The following ZNF814 variants were observed in gnomAD, a reference collection of about 807,000 sequenced individuals.
ZNF814 encodes zinc finger protein 814.
A neutral mutation model predicts 7.5 loss-of-function variants in ZNF814; 5 were observed. The ratio of observed to expected loss-of-function variants is 0.67; its 90% CI spans 0.35 to 1.40. The LOEUF is 1.40. ZNF814 is among the 40% of genes most tolerant of loss of function. The pLI is 0.04. For missense variants in ZNF814, 962 were observed against 1,018.0 expected (o/e 0.94, Z 0.75); for synonymous variants, 315 against 340.7 (o/e 0.92, Z 0.83).
chr19:57,874,078 A>T lies in ZNF814; in HGVS notation c.1312T>A (p.Cys438Ser), dbSNP rs2071582390. 3.7e-6 allele frequency: 6 copies of T among 1,606,454 alleles called. No individual in the cohort carries two copies. The highest frequency in any genetic ancestry group is 5.1e-6 in the Non-Finnish European group (6 of 1,176,370). The change falls in exon 3 of 3, where the codon TGT becomes AGT. Residue 438 changes from cysteine (C) to serine (S), a missense_variant. Cys to Ser is a moderately radical substitution (Grantham distance 112). This residue lies in a region of ZNF814 where 665 missense variants were observed against 551.4 expected (regional missense o/e 1.21). Coordinates refer to ENST00000435989, the MANE Select transcript of ZNF814 (RefSeq NM_001144989.2). ...CTAAAAGATTTCCCACATTCTTCAC[A>T]CCCATAAGGTTTTTCTCCAGTGTGA... The part of the protein sequence containing the change: ...RFHTGEKPYG[C>S]EECGKSFSSE...
intron 1 of ZNF814, among the ~76,000 whole-genome samples, chr19:57,883,083 G>GCAC (rs2071661045): frequency 6.6e-6 from 1 of 151,858 alleles, no homozygotes; most frequent in African/African-American, 2.4e-5. Flanking sequence ...AACTGGCCGG[G>GCAC]TGTGGTGGCT....
Position 57,888,996 on chromosome 19 carries a change from T to A in ZNF814, c.-194A>T. The A allele has an allele frequency of 1.7e-6, 1 of 593,520 alleles. No homozygotes were observed. Among genetic ancestry groups the A allele is most frequent in the Non-Finnish European group, 3.0e-6 (1 of 336,504 alleles). The allele number at this position is 593,520 out of a possible 1,614,324, so 36.8% of individuals were successfully genotyped here. The stretch of plus-strand genomic sequence containing the variant: ...AGTCACCACAGTGCGGACCTAGCGC[T>A]CAGGAGCCTCTCCTACAAATAAATC... On this transcript the variant is annotated 5_prime_UTR_variant, in exon 1 of 3. Transcript: ENST00000435989.
chr19:57,900,536 T>C, the ZNF814 span: 2 of 152,172 alleles, frequency 1.3e-5, no homozygotes, highest in Non-Finnish European at 2.9e-5. Context: ...TTAAGGAGAT[T>C]GTAAAACACT....
At chr19:57,888,398 G>A (rs2071710516) in intron 1 of ZNF814, among the ~76,000 whole-genome samples, 1 of 152,106 alleles carries the variant, frequency 6.6e-6, no homozygotes. Context: ...CCCTTACAAT[G>A]CTCATGACAT....
rs1219305562 is a variant in ZNF814, at chr19:57,870,304, T to A, written c.*2518A>T. The A allele has an allele frequency of 6.6e-6, 1 of 152,178 alleles. No individual in the cohort carries two copies. Among genetic ancestry groups the A allele is most frequent in the African/African-American group, 2.4e-5 (1 of 41,442 alleles). 9.4% of individuals were successfully genotyped at this position (152,178 alleles called of 1,614,324 possible). On this transcript the variant is annotated 3_prime_UTR_variant, in exon 3 of 3. Transcript: ENST00000435989. ...TCAAAAGAAAAATATAGATTTACCA[T>A]TATTTTTGGAAAACAGGTTTGGCAA...
chr19:57,878,459 AC>A (rs886903892), intron 1 of ZNF814, among the ~76,000 whole-genome samples: 1 of 144,080 alleles, frequency 6.9e-6, no homozygotes, highest in African/African-American at 2.6e-5. Context: ...AGGATACATT[AC>A]CTTTTTTTTT....
In ZNF814 at chr19:57,872,635, T is replaced by C; in HGVS notation, c.*187A>G. On this transcript the variant is annotated 3_prime_UTR_variant, in exon 3 of 3. Coordinates refer to ENST00000435989, the MANE Select transcript of ZNF814 (RefSeq NM_001144989.2). ...GAGACTGAAAGTTTCAGCAAAGGAT[T>C]TCCCACATTCACTGCACTCATAAGG... The C allele has an allele frequency of 6.9e-7, 1 of 1,451,088 alleles. No individual in the cohort carries two copies. The highest frequency in any genetic ancestry group is 9.5e-7 in the Non-Finnish European group (1 of 1,054,572). The allele number at this position is 1,451,088 out of a possible 1,614,324, so 89.9% of individuals were successfully genotyped here. A position where few individuals can be genotyped will look rare whatever the true frequency, so the allele number is the denominator to read the frequency against.
At position 57,873,984 on chromosome 19, in the gene ZNF814, C is replaced by A; in HGVS notation, c.1406G>T (p.Cys469Phe). Residue 469 changes from cysteine to phenylalanine, a missense_variant, in exon 3 of 3, where the codon TGT becomes TTT. Cys to Phe is a radical substitution (Grantham distance 205, BLOSUM62 -2). This residue lies in a region of ZNF814 where 665 missense variants were observed against 551.4 expected (regional missense o/e 1.21). Transcript: ENST00000435989. ...GCGCTTATGACTGAAAGATTTCACA[C>A]ATTCTCCACACTTGAAAGGTCTTTC... ...AGERPFKCGECVKSFSHKRSL... is the reference protein window; with the variant it reads ...AGERPFKCGEFVKSFSHKRSL... 2 of 1,614,114 alleles carry A rather than the reference C, an allele frequency of 1.2e-6. No homozygotes were observed. Among genetic ancestry groups the A allele is most frequent in the Non-Finnish European group, 1.7e-6 (2 of 1,179,996 alleles).
chr19:57,899,562 T>C, the ZNF814 span, among the ~76,000 whole-genome samples: 1 of 152,244 alleles, frequency 6.6e-6, no homozygotes, highest in Non-Finnish European at 1.5e-5. Flanking sequence ...TAGGCATTCC[T>C]ACCTATGCTA....
chr19:57,885,230 G>A (rs2071680471), intron 1 of ZNF814, among the ~76,000 whole-genome samples: 2 of 151,890 alleles, frequency 1.3e-5, no homozygotes, highest in Admixed American at 1.3e-4. Flanking sequence ...GCTGAGACAT[G>A]AGAATCGCTT....
upstream of ZNF814, among the ~76,000 whole-genome samples, chr19:57,893,716 C>T (rs572820912): frequency 2.2e-3 from 327 of 151,680 alleles, 2 homozygotes; most frequent in Middle Eastern, 0.014. Flanking sequence ...GCCAGGAGTT[C>T]GAGACCAACC....
chr19:57,898,627 T>C, the ZNF814 span, among the ~76,000 whole-genome samples: 1 of 152,166 alleles, frequency 6.6e-6, no homozygotes, highest in African/African-American at 2.4e-5. Flanking sequence ...CTTTCTCTCC[T>C]TGGAATTCTC....
the ZNF814 span, among the ~76,000 whole-genome samples, chr19:57,897,834 A>G: frequency 2.0e-5 from 3 of 152,186 alleles, no homozygotes; most frequent in South Asian, 2.1e-4. Flanking sequence ...TATGCCAGAG[A>G]GATTCAACTA....
At chr19:57,879,496 T>C (rs995676327) in intron 1 of ZNF814, among the ~76,000 whole-genome samples, 3 of 148,940 alleles carry the variant, frequency 2.0e-5, no homozygotes, top group Non-Finnish European at 4.5e-5. Flanking sequence ...GCAAAACATC[T>C]AGTCCTCAGC....
At chr19:57,877,830 C>T (rs1450625949) in intron 1 of ZNF814, among the ~76,000 whole-genome samples, 1 of 152,078 alleles carries the variant, frequency 6.6e-6, no homozygotes, top group Non-Finnish European at 1.5e-5. Context: ...AAACAAATTA[C>T]ATCTGATATT....
intron 1 of ZNF814, among the ~76,000 whole-genome samples, chr19:57,879,174 G>A (rs1237938028): frequency 2.0e-5 from 3 of 148,482 alleles, no homozygotes; most frequent in East Asian, 2.0e-4. Context: ...TAAAAGGAGC[G>A]GTGGTCTCAA....
intron 1 of ZNF814, among the ~76,000 whole-genome samples, chr19:57,887,987 T>A (rs1568522261): frequency 6.6e-6 from 1 of 152,198 alleles, no homozygotes. Context: ...GTTGTTGCAT[T>A]TAAGCTCCCC....
chr19:57,892,022 G>A (rs1008137900), upstream of ZNF814, among the ~76,000 whole-genome samples: 1 of 152,290 alleles, frequency 6.6e-6, no homozygotes, highest in African/African-American at 2.4e-5. Context: ...AAAGTGTTGG[G>A]ATTACAGGCG....
At position 57,888,853 on chromosome 19, in the gene ZNF814, A is replaced by C; in HGVS notation, c.-51T>G. ...CGGGAGGATAGGGCGACCAGCCAGGAGATATGGGCACGACGGTCCGTATCC... is the reference window on the plus strand; with the variant it reads ...CGGGAGGATAGGGCGACCAGCCAGGCGATATGGGCACGACGGTCCGTATCC... On this transcript the variant is annotated 5_prime_UTR_variant, in exon 1 of 3. Transcript: ENST00000435989. 1 of 1,547,444 alleles carries C rather than the reference A, an allele frequency of 6.5e-7. No homozygotes were observed. Among genetic ancestry groups the C allele is most frequent in the Non-Finnish European group, 8.7e-7 (1 of 1,143,466 alleles).
Sources: allele counts gnomAD v4.1 joint callset (sites outside exome capture counted in the v4.1 genomes callset), GRCh38; gene constraint gnomAD v4.1.1; regional missense constraint gnomAD v4.1.1; transcripts MANE v1.5; gene names NCBI Gene and HGNC (gene_info 2026-07-23, HGNC 2026-07-21).